FAM178B: variants seen among roughly 807,000 people sequenced by gnomAD.
FAM178B encodes protein FAM178B.
A neutral mutation model predicts 91.7 loss-of-function variants in FAM178B; 82 were observed. The ratio of observed to expected loss-of-function variants is 0.89; its 90% CI spans 0.75 to 1.07. The LOEUF (loss-of-function observed/expected upper bound fraction) is 1.07. FAM178B is among the 50% of genes least tolerant of loss of function. FAM178B has a pLI of 0.00. For missense variants in FAM178B, 769 were observed against 846.7 expected (o/e 0.91, Z 1.14); for synonymous variants, 368 against 359.4 (o/e 1.02, Z -0.27).
intron 8 of FAM178B, among the ~76,000 whole-genome samples, chr2:96,932,585 AC>A (rs2081558171): frequency 6.6e-6 from 1 of 152,164 alleles, no homozygotes; most frequent in Non-Finnish European, 1.5e-5. Context: ...GTTCCTCCAG[AC>A]ACAGAACAGT....
intron 5 of FAM178B, among the ~76,000 whole-genome samples, 174 bp downstream of exon 5, chr2:96,967,346 A>G (rs1332692505): frequency 6.6e-6 from 1 of 152,240 alleles, no homozygotes; most frequent in African/African-American, 2.4e-5. Flanking sequence ...AGGTGATCAG[A>G]TCTTTCTTGA....
intron 12 of FAM178B, among the ~76,000 whole-genome samples, chr2:96,910,873 TACA>T (rs2081142788): frequency 6.6e-6 from 1 of 150,932 alleles, no homozygotes. Flanking sequence ...CTTGGCTCAC[TACA>T]ACAACCTCAG....
intron 14 of FAM178B, among the ~76,000 whole-genome samples, chr2:96,889,931 G>C (rs1200002595): frequency 1.3e-5 from 2 of 150,420 alleles, no homozygotes; most frequent in Non-Finnish European, 2.9e-5. Context: ...TTGAGCTCAG[G>C]AGTTTGTGAC....
At chr2:96,917,912 G>A (rs2081268647) in intron 12 of FAM178B, among the ~76,000 whole-genome samples, 1 of 152,106 alleles carries the variant, frequency 6.6e-6, no homozygotes, top group African/African-American at 2.4e-5. Context: ...GCTGTTTGGG[G>A]ATGGAAAAAA....
chr2:96,972,781 A>T (rs1180156210), intron 1 of FAM178B, among the ~76,000 whole-genome samples, 175 bp from the exon 2 acceptor site: 1 of 152,146 alleles, frequency 6.6e-6, no homozygotes, highest in East Asian at 1.9e-4. Flanking sequence ...GAACAATCTG[A>T]CTTCTCATTT....
At chr2:96,951,736 C>T (rs1340529726) in intron 6 of FAM178B, 7 of 399,792 alleles carry the variant, frequency 1.8e-5, no homozygotes, top group South Asian at 5.1e-5. Context: ...AAACACATGG[C>T]GGGTGGCTGG....
intron 1 of FAM178B, among the ~76,000 whole-genome samples, chr2:96,984,405 G>T (rs895320922): frequency 6.6e-6 from 1 of 152,216 alleles, no homozygotes; most frequent in East Asian, 1.9e-4. Context: ...GGATGAGGAA[G>T]ATGCAGTCTC....
intron 13 of FAM178B, among the ~76,000 whole-genome samples, chr2:96,897,530 C>T (rs553887990): frequency 6.6e-6 from 1 of 152,324 alleles, no homozygotes; most frequent in Admixed American, 6.5e-5. Context: ...GCTCCAGCTG[C>T]GTCTTGCCTA....
intron 14 of FAM178B, among the ~76,000 whole-genome samples, chr2:96,881,173 G>A (rs1322039428): frequency 4.0e-5 from 6 of 151,814 alleles, no homozygotes; most frequent in African/African-American, 1.2e-4. Context: ...GGGAGGCTGA[G>A]GCAGGCATAT....
chr2:96,930,101 C>T (rs1168885327), intron 8 of FAM178B, among the ~76,000 whole-genome samples: 1 of 150,120 alleles, frequency 6.7e-6, no homozygotes, highest in Non-Finnish European at 1.5e-5. Context: ...GCCTGTAGTC[C>T]CAGGATAATT....
chr2:96,975,094 C>CAAAAAAAAA (rs34807786), intron 1 of FAM178B, among the ~76,000 whole-genome samples: 4 of 56,272 alleles, frequency 7.1e-5, no homozygotes, highest in Non-Finnish European at 1.1e-4. Flanking sequence ...GACTCTGTCT[C>CAAAAAAAAA]AAAAAAAAAA....
intron 1 of FAM178B, chr2:96,977,769 T>C (rs1044772729): frequency 2.4e-5 from 11 of 452,456 alleles, no homozygotes; most frequent in Non-Finnish European, 4.0e-5. Flanking sequence ...GTGCTTTCTG[T>C]GTCATCCTAA....
At chr2:96,888,508 A>AGG (rs1483432438) in intron 14 of FAM178B, among the ~76,000 whole-genome samples, 1 of 152,230 alleles carries the variant, frequency 6.6e-6, no homozygotes, top group Non-Finnish European at 1.5e-5. Context: ...CCAGCAAGAG[A>AGG]GGGCAGAGGC....
At chr2:96,981,439 T>C (rs2082359588) in intron 1 of FAM178B, among the ~76,000 whole-genome samples, 1 of 152,200 alleles carries the variant, frequency 6.6e-6, no homozygotes, top group Admixed American at 6.5e-5. Context: ...AACTTTAATG[T>C]AGCCCAATTT....
At position 96,929,255 on chromosome 2, in the gene FAM178B, C is replaced by G. The variant is rs1468200612; in HGVS notation, c.1144G>C (p.Ala382Pro). 6.4e-7 allele frequency: 1 copy of G among 1,551,548 alleles called. No individual in the cohort carries two copies. Among genetic ancestry groups the G allele is most frequent in the Non-Finnish European group, 8.7e-7 (1 of 1,146,980 alleles). Residue 382 changes from alanine (A) to proline (P), a missense_variant, in exon 9 of 17, where the codon GCC (alanine) becomes CCC (proline). Coordinates refer to ENST00000490605, the MANE Select transcript of FAM178B (RefSeq NM_001122646.3). ...EVREAFHSLG[A>P]HSPALYPLGP... ...AGAGGGTACAGGGCAGGACTGTGGG[C>G]ACCCAGGCTGTGGAATGCCTCCCTG...
chr2:96,962,693 G>T (rs1033822119), intron 5 of FAM178B, among the ~76,000 whole-genome samples: 1 of 152,112 alleles, frequency 6.6e-6, no homozygotes, highest in African/African-American at 2.4e-5. Context: ...CAGCACACAC[G>T]CAAGGTCTTT....
intron 12 of FAM178B, among the ~76,000 whole-genome samples, chr2:96,920,202 A>T (rs2081311055): frequency 6.6e-6 from 1 of 152,236 alleles, no homozygotes; most frequent in Non-Finnish European, 1.5e-5. Flanking sequence ...GTAAGACCGT[A>T]GCCAAAAGTG....
At chr2:96,981,658 G>A (rs1191549518) in intron 1 of FAM178B, among the ~76,000 whole-genome samples, 3 of 149,108 alleles carry the variant, frequency 2.0e-5, no homozygotes, top group African/African-American at 7.5e-5. Flanking sequence ...GGAGAATGGC[G>A]TGAACCTGGG....
chr2:96,885,764 T>C (rs1396458789), intron 14 of FAM178B, among the ~76,000 whole-genome samples: 1 of 152,016 alleles, frequency 6.6e-6, no homozygotes, highest in Non-Finnish European at 1.5e-5. Flanking sequence ...CTGCTCCAGC[T>C]GGGACCAGAG....
Sources: allele counts gnomAD v4.1 joint callset (sites outside exome capture counted in the v4.1 genomes callset), GRCh38; gene constraint gnomAD v4.1.1; transcripts MANE v1.5; gene names NCBI Gene and HGNC (gene_info 2026-07-23, HGNC 2026-07-21).